The following PUDP variants were observed in gnomAD, a reference collection of about 807,000 sequenced individuals.
PUDP encodes pseudouridine 5'-phosphatase, also known as pseudouridine-5'-phosphatase.
In PUDP, 8 loss-of-function variants were observed where a neutral mutation model predicts 9.4. The ratio of observed to expected loss-of-function variants is 0.85; its 90% CI spans 0.50 to 1.53. PUDP has a LOEUF of 1.53. PUDP is among the 40% of genes most tolerant of loss of function. PUDP has a pLI of 0.00. For synonymous variants in PUDP, 99 were observed against 80.7 expected (o/e 1.23, Z -1.22); for missense variants, 188 against 189.7 (o/e 0.99, Z 0.05).
chrX:6,900,854 T>C (rs1355957538), intron 3 of PUDP, among the ~76,000 whole-genome samples: 1 of 109,300 alleles, frequency 9.1e-6, no homozygotes. Context: ...CTCAGCTCAC[T>C]GCAACTTCTG....
intron 3 of PUDP, among the ~76,000 whole-genome samples, chrX:7,062,427 G>A (rs1056151188): frequency 8.9e-6 from 1 of 111,981 alleles, no homozygotes; most frequent in Admixed American, 9.5e-5. Context: ...GGTCATGAAA[G>A]ACAGGCATAA....
At chrX:6,756,254 G>A (rs141687114) in intron 3 of PUDP, among the ~76,000 whole-genome samples, 2 of 111,179 alleles carry the variant, frequency 1.8e-5, no homozygotes, top group Admixed American at 9.5e-5. Context: ...AAATGAAAAC[G>A]TATCTATACA....
intron 1 of PUDP, among the ~76,000 whole-genome samples, chrX:7,014,875 T>C (rs1008247026): frequency 6.3e-5 from 7 of 111,714 alleles, no homozygotes; most frequent in African/African-American, 2.3e-4. Flanking sequence ...GAACAGGAAG[T>C]CAAGATTCAA....
chrX:6,762,701 T>C (rs748125011), intron 3 of PUDP, among the ~76,000 whole-genome samples: 1 of 112,646 alleles, frequency 8.9e-6, no homozygotes, highest in South Asian at 3.6e-4. Flanking sequence ...TAAAGAACAG[T>C]ATGTTTTAAA....
At chrX:6,949,852 C>G (rs1326691008) in intron 3 of PUDP, among the ~76,000 whole-genome samples, 2 of 111,814 alleles carry the variant, frequency 1.8e-5, no homozygotes, top group African/African-American at 6.5e-5. Context: ...GGGCTGGGAT[C>G]TCATATCATC....
chrX:7,017,642 T>G (rs1023856420), intron 1 of PUDP, among the ~76,000 whole-genome samples: 4 of 112,152 alleles, frequency 3.6e-5, no homozygotes, highest in African/African-American at 1.3e-4. Context: ...CTTCCTAGAA[T>G]TGGATGTTAT....
At chrX:6,749,258 C>A (rs1389071944) in intron 3 of PUDP, among the ~76,000 whole-genome samples, 1 of 111,948 alleles carries the variant, frequency 8.9e-6, no homozygotes, top group Non-Finnish European at 1.9e-5. Context: ...TTTTATCAGG[C>A]AGCAGCATCG....
At chrX:7,118,680 A>C (rs1932261078) in intron 1 of PUDP, among the ~76,000 whole-genome samples, 1 of 112,375 alleles carries the variant, frequency 8.9e-6, no homozygotes, top group African/African-American at 3.2e-5. Flanking sequence ...CTGAGCACAG[A>C]GCCCCTTCTG....
At chrX:6,928,085 C>T (rs746541391) in intron 3 of PUDP, among the ~76,000 whole-genome samples, 1 of 108,853 alleles carries the variant, frequency 9.2e-6, no homozygotes, top group Non-Finnish European at 1.9e-5. Context: ...CAGGTGCACA[C>T]CACTAGGCGA....
chrX:7,047,825 ACT>A (rs1278569927), downstream of PUDP, among the ~76,000 whole-genome samples: 2 of 112,061 alleles, frequency 1.8e-5, no homozygotes, highest in Non-Finnish European at 3.8e-5. Flanking sequence ...ATAGGTGAAA[ACT>A]CATTATTTTT....
intron 3 of PUDP, among the ~76,000 whole-genome samples, chrX:6,805,435 T>A (rs1926033495): frequency 9.0e-6 from 1 of 110,539 alleles, no homozygotes; most frequent in South Asian, 3.9e-4. Flanking sequence ...TGTCACACAA[T>A]GAAAAAGCAT....
chrX:7,134,567 G>A (rs187649515), intron 1 of PUDP, among the ~76,000 whole-genome samples: 1 of 112,157 alleles, frequency 8.9e-6, no homozygotes, highest in Non-Finnish European at 1.9e-5. Context: ...AAAAGCTGAT[G>A]AGCAGTCAGC....
intron 3 of PUDP, among the ~76,000 whole-genome samples, chrX:6,906,555 T>C (rs1927770341): frequency 1.8e-5 from 2 of 111,867 alleles, no homozygotes; most frequent in South Asian, 7.5e-4. Flanking sequence ...GAAGATGCTA[T>C]TGGACACTCC....
intron 3 of PUDP, among the ~76,000 whole-genome samples, chrX:7,074,968 G>C (rs1410986730): frequency 8.9e-6 from 1 of 112,169 alleles, no homozygotes; most frequent in Non-Finnish European, 1.9e-5. Context: ...TCAAGAATGA[G>C]ATTTCAATCA....
upstream of PUDP, among the ~76,000 whole-genome samples, chrX:6,724,741 T>C (rs748486049): frequency 6.3e-5 from 7 of 111,595 alleles, no homozygotes; most frequent in Non-Finnish European, 1.1e-4. Context: ...AGATGGCTTT[T>C]TGATCTCACT....
chrX:7,117,649 G>A (rs1405700359), intron 1 of PUDP, among the ~76,000 whole-genome samples: 2 of 113,018 alleles, frequency 1.8e-5, no homozygotes, highest in East Asian at 2.8e-4. Flanking sequence ...GGCAGAGAAC[G>A]AAAAAGCTTT....
intron 3 of PUDP, among the ~76,000 whole-genome samples, chrX:6,949,184 C>A (rs1280204707): frequency 1.8e-5 from 2 of 112,065 alleles, no homozygotes; most frequent in Admixed American, 1.9e-4. Flanking sequence ...ATCCGAGTGG[C>A]CTGAGACAAA....
intron 3 of PUDP, among the ~76,000 whole-genome samples, chrX:6,890,764 C>A (rs761303320): frequency 1.9e-5 from 2 of 108,040 alleles, no homozygotes; most frequent in South Asian, 8.3e-4. Flanking sequence ...GTGGAGTCCA[C>A]GTGAATAAAT....
chrX:6,913,008 T>A (rs1233800014), intron 3 of PUDP, among the ~76,000 whole-genome samples: 2 of 112,285 alleles, frequency 1.8e-5, no homozygotes, highest in Non-Finnish European at 3.8e-5. Context: ...ATTTATTACA[T>A]GAATATAGCA....
Sources: allele counts gnomAD v4.1 joint callset (sites outside exome capture counted in the v4.1 genomes callset), GRCh38; gene constraint gnomAD v4.1.1; transcripts MANE v1.5; gene names NCBI Gene and HGNC (gene_info 2026-07-23, HGNC 2026-07-21).